C4orf51: variants seen among roughly 807,000 people sequenced by gnomAD.
C4orf51 encodes uncharacterized protein C4orf51.
C4orf51 carries 25 observed loss-of-function variants against 25.2 expected under a neutral mutation model. The observed-to-expected ratio is 0.99, with a 90% CI of 0.72 to 1.39. C4orf51 has a LOEUF of 1.39. C4orf51 is among the 40% of genes most tolerant of loss of function. The probability of loss-of-function intolerance (pLI) is 0.00; values close to 1 mark genes in which losing one functional copy is unlikely to be tolerated. For missense variants in C4orf51, 252 were observed against 239.6 expected, an observed-to-expected ratio of 1.05 and a Z score of -0.34; for synonymous variants, 100 against 84.5, an observed-to-expected ratio of 1.18 and a Z score of -1.01.
At chr4:145,707,989 C>T (rs1170469512) in intron 2 of C4orf51, among the ~76,000 whole-genome samples, 3 of 152,204 alleles carry the variant, frequency 2.0e-5, no homozygotes, top group Admixed American at 6.5e-5. Context: ...AGTCTCATTT[C>T]CAGTGGCCGA....
downstream of C4orf51, among the ~76,000 whole-genome samples, chr4:145,754,667 G>T (rs1326383633): frequency 2.6e-5 from 4 of 152,248 alleles, no homozygotes; most frequent in African/African-American, 9.6e-5. Flanking sequence ...GGGCGCAGTG[G>T]CTCGCGCCTG....
the C4orf51 span, among the ~76,000 whole-genome samples, chr4:145,786,359 GGCGACAGCTGTAA>G: frequency 6.6e-6 from 1 of 152,124 alleles, no homozygotes; most frequent in Non-Finnish European, 1.5e-5. Context: ...GGCTTTATTT[GGCGACAGCTGTAA>G]GCAAAAGATT....
chr4:145,766,210 G>A (rs1735273085), intron 1 of C4orf51, among the ~76,000 whole-genome samples: 1 of 152,090 alleles, frequency 6.6e-6, no homozygotes, highest in Admixed American at 6.5e-5. Flanking sequence ...TGACTCCAGG[G>A]TCCATGCTCT....
chr4:145,724,282 A>G (rs1468849117), intron 2 of C4orf51, among the ~76,000 whole-genome samples: 3 of 152,178 alleles, frequency 2.0e-5, no homozygotes, highest in Non-Finnish European at 2.9e-5. Flanking sequence ...AATCAGCACT[A>G]ATTGTGAAGG....
At chr4:145,754,777 A>C (rs912611051), downstream of C4orf51, among the ~76,000 whole-genome samples, 1 of 152,168 alleles carries the variant, frequency 6.6e-6, no homozygotes, top group African/African-American at 2.4e-5. Flanking sequence ...TCTACTAAAA[A>C]ATATAAAAAT....
At chr4:145,735,015 A>C (rs1732727258), downstream of C4orf51, among the ~76,000 whole-genome samples, 1 of 152,206 alleles carries the variant, frequency 6.6e-6, no homozygotes, top group South Asian at 2.1e-4. Context: ...CATCCCTGGG[A>C]AAGAAACAGG....
At chr4:145,786,392 A>G in the C4orf51 span, among the ~76,000 whole-genome samples, 1 of 152,262 alleles carries the variant, frequency 6.6e-6, no homozygotes, top group African/African-American at 2.4e-5. Flanking sequence ...TGGCCAAAAT[A>G]TGACCTCAAT....
chr4:145,709,068 C>T (rs1730991746), intron 2 of C4orf51, among the ~76,000 whole-genome samples: 1 of 152,122 alleles, frequency 6.6e-6, no homozygotes, highest in African/African-American at 2.4e-5. Context: ...CCTTCATATG[C>T]TCACAAAAAC....
intron 4 of C4orf51, 61 bp from the exon 5 acceptor site, chr4:145,729,831 T>G: frequency 7.0e-7 from 1 of 1,423,396 alleles, no homozygotes; most frequent in Non-Finnish European, 9.9e-7. Flanking sequence ...TCAGGAAATT[T>G]CACTTATGGT....
In C4orf51 at chr4:145,718,788, G is replaced by T. The variant is rs28550775; in HGVS notation, c.308-8123G>T. Among the ~76,000 whole-genome samples the T allele has an allele frequency of 9.7e-3, 1,478 of 152,118 alleles. 23 individuals carry two copies. The highest frequency in any genetic ancestry group is 0.034 in the African/African-American group (1,408 of 41,484). On this transcript the variant is annotated intron_variant, in intron 2 of 5. Transcript: ENST00000438731. ...ATCCTGTTCCAGTTATAATGTATTC[G>T]TTCAGCAACTTGAAACTGCTAAGCT...
intron 1 of C4orf51, among the ~76,000 whole-genome samples, chr4:145,694,066 G>A (rs1729841708): frequency 7.2e-6 from 1 of 139,612 alleles, no homozygotes; most frequent in African/African-American, 2.7e-5. Context: ...CTCCCAGACG[G>A]GGTCTCGGCC....
intron 1 of C4orf51, among the ~76,000 whole-genome samples, chr4:145,747,434 T>A (rs750221234): frequency 1.5e-4 from 23 of 151,950 alleles, no homozygotes; most frequent in African/African-American, 3.4e-4. Context: ...TTAACAATGC[T>A]TTTTCCGCAT....
chr4:145,707,355 T>C (rs1031253836), intron 2 of C4orf51, among the ~76,000 whole-genome samples: 3 of 152,250 alleles, frequency 2.0e-5, no homozygotes, highest in Non-Finnish European at 2.9e-5. Context: ...TTGTACTGCA[T>C]GTTGCTTTGC....
intron 1 of C4orf51, among the ~76,000 whole-genome samples, chr4:145,693,978 C>T (rs1484590676): frequency 7.1e-6 from 1 of 141,364 alleles, no homozygotes; most frequent in African/African-American, 2.6e-5. Flanking sequence ...AGGCTCCTCA[C>T]CTCTCAGACG....
intron 1 of C4orf51, among the ~76,000 whole-genome samples, chr4:145,738,796 C>T (rs543245846): frequency 2.2e-4 from 34 of 152,062 alleles, no homozygotes; most frequent in South Asian, 8.3e-4. Context: ...GGCACCACAA[C>T]GCCCGACTAA....
At chr4:145,782,363 G>A in the C4orf51 span, among the ~76,000 whole-genome samples, 3 of 152,174 alleles carry the variant, frequency 2.0e-5, no homozygotes, top group Admixed American at 2.0e-4. Context: ...GAGCTGAGAT[G>A]AGATGAAGCT....
chr4:145,709,573 T>C (rs1731022567), intron 2 of C4orf51, among the ~76,000 whole-genome samples: 1 of 152,206 alleles, frequency 6.6e-6, no homozygotes, highest in Non-Finnish European at 1.5e-5. Context: ...TCACGTGGCA[T>C]GCAAAAGTGA....
intron 2 of C4orf51, among the ~76,000 whole-genome samples, chr4:145,705,994 T>A (rs981559297): frequency 3.3e-5 from 5 of 152,160 alleles, no homozygotes; most frequent in African/African-American, 1.2e-4. Flanking sequence ...ATTTTTACAT[T>A]ACCCATCCGT....
rs192138245 is a variant in C4orf51 at position 145,704,009 on chromosome 4, C to T, written c.307+7377C>T. On this transcript the variant is annotated intron_variant, in intron 2 of 5. Transcript: ENST00000438731. ...AAAAGCCCAACTTCCCAATGAGTTA[C>T]GGAAACGTGTATATTATCCTGAGGC... Among the ~76,000 whole-genome samples the T allele has an allele frequency of 1.9e-3, 286 of 152,222 alleles. 2 individuals carry two copies. The Middle Eastern group carries it at 0.027, about 14-fold the overall frequency.
Sources: gnomAD v4.1 joint callset for allele counts (sites outside exome capture counted in the v4.1 genomes callset) on GRCh38, gnomAD v4.1.1 for gene constraint, MANE v1.5 for transcripts, NCBI Gene and HGNC (gene_info 2026-07-23, HGNC 2026-07-21) for gene names.